Variants in TOGARAM1 observed in about 807,000 individuals in gnomAD.
TOGARAM1 encodes the protein TOG array regulator of axonemal microtubules protein 1.
Under a neutral mutation model 166.6 loss-of-function variants are expected in TOGARAM1, and 100 were observed. The observed-to-expected ratio is 0.60, with a 90% CI of 0.51 to 0.71. The LOEUF (loss-of-function observed/expected upper bound fraction) is 0.71, where lower values mean the gene tolerates loss of function less well. TOGARAM1 is among the 30% of genes least tolerant of loss of function. TOGARAM1 has a pLI of 0.00. For missense variants in TOGARAM1, 2,029 were observed against 2,102.7 expected (o/e 0.96, Z 0.69); for synonymous variants, 758 against 763.8 (o/e 0.99, Z 0.13).
chr14:45,027,696 C>T (rs1396064884), intron 9 of TOGARAM1, among the ~76,000 whole-genome samples: 2 of 151,836 alleles, frequency 1.3e-5, no homozygotes, highest in African/African-American at 4.8e-5. Context: ...AGTAGAGAGC[C>T]TATTTTCTCT....
At chr14:44,970,663 T>C (rs1307717675) in intron 1 of TOGARAM1, among the ~76,000 whole-genome samples, 1 of 152,180 alleles carries the variant, frequency 6.6e-6, no homozygotes, top group Admixed American at 6.5e-5. Flanking sequence ...TATGATGTTA[T>C]CTGTATGCTT....
intron 11 of TOGARAM1, among the ~76,000 whole-genome samples, chr14:45,040,571 GA>G (rs1881675139): frequency 6.6e-6 from 1 of 152,022 alleles, no homozygotes; most frequent in African/African-American, 2.4e-5. Context: ...AAAAAGAAGA[GA>G]AAAATTACAA....
chr14:45,072,496 G>A lies in TOGARAM1; in HGVS notation c.5056+698G>A, dbSNP rs189006911. Among the ~76,000 whole-genome samples the A allele has an allele frequency of 6.0e-4, 91 of 151,896 alleles. 1 individual carries two copies. Among genetic ancestry groups the A allele is most frequent in the Middle Eastern group, 3.4e-3 (1 of 294 alleles). On this transcript the variant is annotated intron_variant, in intron 19 of 19. Coordinates refer to ENST00000361462, the MANE Select transcript of TOGARAM1 (RefSeq NM_001308120.2). ...GGCTGGAGTGCAGTGGCGCAATATC[G>A]GCTAATTGCAACCTCCGCCTCCTGG...
At chr14:45,006,774 G>A (rs1879462013) in intron 5 of TOGARAM1, 1 of 151,804 alleles carries the variant, frequency 6.6e-6, no homozygotes, top group Admixed American at 6.6e-5. Flanking sequence ...TTATACCATT[G>A]ATTTTGGCTT....
At position 44,962,883 on chromosome 14, in the gene TOGARAM1, CT is replaced by C; in HGVS notation, c.463del (p.Cys155AlafsTer24). On this transcript the variant is annotated frameshift_variant, in exon 1 of 20. Coordinates refer to ENST00000361462, the MANE Select transcript of TOGARAM1 (RefSeq NM_001308120.2). LOFTEE classifies it high-confidence loss of function. ...VEGGSDEKRL[C>X]LQLLSDVLRG... ...AAGGAGGTAGTGATGAGAAGCGGCT[CT>C]GCTTGCAACTTCTCTCGGACGTTCT... 1 of 1,614,056 alleles carries C rather than the reference CT, an allele frequency of 6.2e-7. No individual in the cohort carries two copies. Among genetic ancestry groups the C allele is most frequent in the South Asian group, 1.1e-5 (1 of 91,088 alleles).
chr14:44,978,571 A>G (rs2138748998), intron 1 of TOGARAM1, among the ~76,000 whole-genome samples: 1 of 152,266 alleles, frequency 6.6e-6, no homozygotes, highest in Non-Finnish European at 1.5e-5. Flanking sequence ...TTGGGAGGCC[A>G]AGGCAGAAGG....
intron 16 of TOGARAM1, among the ~76,000 whole-genome samples, chr14:45,058,658 A>G (rs866690568): frequency 6.6e-6 from 1 of 152,094 alleles, no homozygotes; most frequent in Non-Finnish European, 1.5e-5. Flanking sequence ...TGAGTTTTTT[A>G]TAAGCAGCAT....
chr14:45,069,224 C>G (rs1340979926), intron 18 of TOGARAM1, among the ~76,000 whole-genome samples: 3 of 151,862 alleles, frequency 2.0e-5, no homozygotes, highest in East Asian at 3.9e-4. Flanking sequence ...CAAAAATTAG[C>G]TGGGTGTGGT....
At chr14:45,049,189 C>T (rs760740676) in intron 14 of TOGARAM1, among the ~76,000 whole-genome samples, 2 of 151,900 alleles carry the variant, frequency 1.3e-5, no homozygotes, top group Non-Finnish European at 2.9e-5. Flanking sequence ...TGTTTTTAAG[C>T]CAGCAATAAC....
chr14:45,073,419 T>A lies in TOGARAM1; in HGVS notation c.5180T>A (p.Ile1727Lys). The A allele has an allele frequency of 6.2e-7, 1 of 1,614,146 alleles. No homozygotes were observed. The highest frequency in any genetic ancestry group is 2.2e-5 in the East Asian group (1 of 44,878). Residue 1727 changes from isoleucine (I) to lysine (K), a missense_variant, in exon 20 of 20, where the codon ATA (isoleucine) becomes AAA (lysine). Physicochemically the swap from Ile to Lys is moderately radical, Grantham distance 102. Transcript: ENST00000361462. ...TCTCTGCCTGGAGCTGGAGGAAATATACGAACAGCCACAGCTAAATTATCA... is the reference window on the plus strand; with the variant it reads ...TCTCTGCCTGGAGCTGGAGGAAATAAACGAACAGCCACAGCTAAATTATCA... ...SGSLPGAGGN[I>K]RTATAKLSKA... is the part of the protein sequence containing the mutation.
intron 1 of TOGARAM1, among the ~76,000 whole-genome samples, chr14:44,978,578 A>G (rs10136926): frequency 0.16 from 24,237 of 151,920 alleles, 3,591 homozygotes; most frequent in African/African-American, 0.4. Context: ...GCCAAGGCAG[A>G]AGGATTGCTT....
intron 7 of TOGARAM1, among the ~76,000 whole-genome samples, chr14:45,022,006 G>A (rs756074526): frequency 4.6e-5 from 7 of 152,080 alleles, no homozygotes; most frequent in East Asian, 1.9e-4. Flanking sequence ...AACAGAGCAG[G>A]CCATGTGAGG....
intron 1 of TOGARAM1, among the ~76,000 whole-genome samples, chr14:44,970,686 C>T (rs964902143): frequency 5.3e-5 from 8 of 152,094 alleles, no homozygotes; most frequent in East Asian, 1.9e-4. Context: ...TTGTAGTGTT[C>T]GCTATAAAGT....
At chr14:44,989,685 T>C (rs994433768) in intron 1 of TOGARAM1, among the ~76,000 whole-genome samples, 1 of 152,222 alleles carries the variant, frequency 6.6e-6, no homozygotes, top group African/African-American at 2.4e-5. Flanking sequence ...CAGACTGTTC[T>C]AGCCTCTGCC....
chr14:45,063,627 G>A (rs1004818708), intron 16 of TOGARAM1, among the ~76,000 whole-genome samples: 26 of 151,898 alleles, frequency 1.7e-4, no homozygotes, highest in Admixed American at 5.2e-4. Context: ...CTATAGGCGC[G>A]TGCCACCATG....
intron 18 of TOGARAM1, among the ~76,000 whole-genome samples, chr14:45,071,210 A>G (rs1044791469): frequency 6.6e-6 from 1 of 151,016 alleles, no homozygotes; most frequent in African/African-American, 2.4e-5. Flanking sequence ...ATGAGCCACC[A>G]CACCCGGCTG....
intron 1 of TOGARAM1, among the ~76,000 whole-genome samples, chr14:44,977,531 C>T (rs182782993): frequency 2.2e-4 from 34 of 151,918 alleles, no homozygotes; most frequent in Non-Finnish European, 3.2e-4. Flanking sequence ...CCACAGCACC[C>T]GGCCAAGACT....
chr14:45,019,556 G>A (rs544802523), intron 7 of TOGARAM1, among the ~76,000 whole-genome samples: 4 of 152,288 alleles, frequency 2.6e-5, no homozygotes, highest in African/African-American at 7.2e-5. Context: ...GAGGGTAGCC[G>A]TTGCCAGCTC....
At chr14:45,037,077 G>C (rs1045450417) in intron 11 of TOGARAM1, among the ~76,000 whole-genome samples, 1 of 152,142 alleles carries the variant, frequency 6.6e-6, no homozygotes, top group Admixed American at 6.5e-5. Flanking sequence ...CCTCCCTGTG[G>C]TTCCCTCCTG....
Sources: allele counts gnomAD v4.1 joint callset (sites outside exome capture counted in the v4.1 genomes callset), GRCh38; gene constraint gnomAD v4.1.1; transcripts MANE v1.5; gene names NCBI Gene and HGNC (gene_info 2026-07-23, HGNC 2026-07-21).